Variants in WWC1 observed in about 807,000 individuals in gnomAD.
WWC1 encodes the protein WW and C2 domain containing 1.
A neutral mutation model predicts 138.4 loss-of-function variants in WWC1; 55 were observed. The ratio of observed to expected loss-of-function variants is 0.40; its 90% CI spans 0.32 to 0.50. The LOEUF is 0.50. Among genes scored for constraint, WWC1 ranks in the 20% least tolerant of loss-of-function variants. The probability of loss-of-function intolerance (pLI) is 0.72; values close to 1 mark genes in which losing one functional copy is unlikely to be tolerated. For missense variants in WWC1, 1,226 were observed against 1,420.4 expected (o/e 0.86, Z 2.20); for synonymous variants, 524 against 564.9 (o/e 0.93, Z 1.03).
chr5:168,359,072 TC>T (rs1775686255), intron 1 of WWC1, among the ~76,000 whole-genome samples: 1 of 129,642 alleles, frequency 7.7e-6, no homozygotes, highest in Non-Finnish European at 1.6e-5. Flanking sequence ...GTGTGTGTGT[TC>T]GAGACAGACT....
chr5:168,467,183 A>G (rs568027020), intron 21 of WWC1, among the ~76,000 whole-genome samples: 6 of 152,280 alleles, frequency 3.9e-5, no homozygotes, highest in South Asian at 2.1e-4. Flanking sequence ...GCGTGAACCC[A>G]GGAGGCGGAG....
chr5:168,368,196 T>C (rs183293612), intron 1 of WWC1, among the ~76,000 whole-genome samples: 71 of 151,932 alleles, frequency 4.7e-4, no homozygotes, highest in Non-Finnish European at 7.5e-4. Flanking sequence ...GTTCAAGTGC[T>C]TCTCCTGCCT....
chr5:168,405,485 A>G (rs927664127), intron 5 of WWC1, among the ~76,000 whole-genome samples: 22 of 152,186 alleles, frequency 1.4e-4, no homozygotes, highest in African/African-American at 4.3e-4. Flanking sequence ...CAAGTCAACG[A>G]TGCTACCGCA....
chr5:168,460,111 T>C (rs1756679745), intron 19 of WWC1, among the ~76,000 whole-genome samples: 1 of 152,100 alleles, frequency 6.6e-6, no homozygotes. Context: ...CCCTGAGGCT[T>C]TGCCTTTAAG....
At chr5:168,365,662 G>A (rs754684885) in intron 1 of WWC1, among the ~76,000 whole-genome samples, 2 of 152,174 alleles carry the variant, frequency 1.3e-5, no homozygotes, top group African/African-American at 2.4e-5. Flanking sequence ...TCCAGCCCCC[G>A]GGGTGGCTCT....
chr5:168,312,550 C>G (rs1473570103), intron 1 of WWC1, among the ~76,000 whole-genome samples: 1 of 152,252 alleles, frequency 6.6e-6, no homozygotes, highest in Non-Finnish European at 1.5e-5. Context: ...CAAGGCTCAT[C>G]ATAAATGCTT....
At chr5:168,297,595 C>T (rs909349469) in intron 1 of WWC1, among the ~76,000 whole-genome samples, 1 of 142,256 alleles carries the variant, frequency 7.0e-6, no homozygotes, top group African/African-American at 2.6e-5. Flanking sequence ...CATTGCACTC[C>T]ATCCTGGGCA....
chr5:168,386,377 C>CTTTTTT (rs59691686), intron 3 of WWC1, among the ~76,000 whole-genome samples: 1 of 143,936 alleles, frequency 6.9e-6, no homozygotes, highest in Non-Finnish European at 1.5e-5. Flanking sequence ...TCCCCTTGTT[C>CTTTTTT]TTTTTTTTTT....
At chr5:168,341,852 G>A (rs1353814025) in intron 1 of WWC1, among the ~76,000 whole-genome samples, 1 of 152,192 alleles carries the variant, frequency 6.6e-6, no homozygotes, top group Non-Finnish European at 1.5e-5. Flanking sequence ...AGAAAGTTCT[G>A]TTACCTCTTG....
intron 1 of WWC1, among the ~76,000 whole-genome samples, chr5:168,312,208 C>T (rs1295173049): frequency 1.4e-5 from 2 of 141,894 alleles, no homozygotes; most frequent in South Asian, 2.3e-4. Context: ...CAGAACGAGA[C>T]GCCGTCTCAA....
chr5:168,399,291 C>T (rs1477104422), intron 4 of WWC1, among the ~76,000 whole-genome samples, 197 bp from the exon 5 acceptor site: 1 of 152,182 alleles, frequency 6.6e-6, no homozygotes, highest in South Asian at 2.1e-4. Context: ...GGGATGCTGA[C>T]TGAATGGGCA....
At chr5:168,443,547 A>G (rs950019264) in intron 16 of WWC1, among the ~76,000 whole-genome samples, 6 of 152,238 alleles carry the variant, frequency 3.9e-5, no homozygotes, top group South Asian at 4.1e-4. Flanking sequence ...TTTCTAGAGC[A>G]TGACCTTGAG....
intron 1 of WWC1, among the ~76,000 whole-genome samples, chr5:168,316,431 T>A (rs1030065690): frequency 6.6e-6 from 1 of 152,124 alleles, no homozygotes; most frequent in Admixed American, 6.6e-5. Flanking sequence ...TCTGCATGTA[T>A]GTGAGGGCTG....
At chr5:168,376,063 T>G (rs1000213460) in intron 2 of WWC1, among the ~76,000 whole-genome samples, 2 of 152,182 alleles carry the variant, frequency 1.3e-5, no homozygotes, top group Non-Finnish European at 2.9e-5. Context: ...TGTCTTTTTT[T>G]TTTTTCTTCT....
chr5:168,418,197 C>A (rs1458167194), intron 9 of WWC1, among the ~76,000 whole-genome samples: 4 of 152,158 alleles, frequency 2.6e-5, no homozygotes, highest in Admixed American at 6.5e-5. Flanking sequence ...GACTGCAGGA[C>A]CTGCCAAACC....
At chr5:168,382,475 A>T (rs1010473824) in intron 2 of WWC1, among the ~76,000 whole-genome samples, 1 of 152,216 alleles carries the variant, frequency 6.6e-6, no homozygotes, top group African/African-American at 2.4e-5. Context: ...GAAAAATCAG[A>T]TCTTCTAAAA....
intron 5 of WWC1, among the ~76,000 whole-genome samples, chr5:168,404,600 TTATTTTTA>T (rs1459109863): frequency 6.6e-6 from 1 of 152,124 alleles, no homozygotes; most frequent in Non-Finnish European, 1.5e-5. Context: ...CCCATGAGGG[TTATTTTTA>T]GCCCAGGACA....
At chr5:168,362,137 C>T (rs184938567) in intron 1 of WWC1, among the ~76,000 whole-genome samples, 4 of 140,498 alleles carry the variant, frequency 2.8e-5, no homozygotes, top group East Asian at 2.0e-4. Context: ...TTATCAAGCA[C>T]TCACTGTGTA....
chr5:168,410,380 A>G (rs1227026698), intron 8 of WWC1, among the ~76,000 whole-genome samples: 1 of 152,214 alleles, frequency 6.6e-6, no homozygotes, highest in Non-Finnish European at 1.5e-5. Context: ...TACCCACTTC[A>G]GTGTCTCCTG....
Sources: gnomAD v4.1 joint callset for allele counts (sites outside exome capture counted in the v4.1 genomes callset) on GRCh38, gnomAD v4.1.1 for gene constraint, MANE v1.5 for transcripts, NCBI Gene and HGNC (gene_info 2026-07-23, HGNC 2026-07-21) for gene names.